The following CD36 variants were observed in gnomAD, a reference collection of about 807,000 sequenced individuals.
The protein encoded by CD36 is platelet glycoprotein 4.
CD36 carries 119 observed loss-of-function variants against 55.2 expected under a neutral mutation model. The observed-to-expected ratio is 2.15, with a 90% CI of 1.86 to 2.51. The LOEUF is 2.51. Ranked by LOEUF, CD36 falls within the 30% of genes most tolerant of loss-of-function variation. The pLI is 0.00. For synonymous variants in CD36, 186 were observed against 193.6 expected, an observed-to-expected ratio of 0.96 and a Z score of 0.33; for missense variants, 819 against 555.5, an observed-to-expected ratio of 1.47 and a Z score of -4.77.
intron 1 of CD36, among the ~76,000 whole-genome samples, chr7:80,608,002 C>T (rs944079166): frequency 9.2e-5 from 14 of 152,098 alleles, no homozygotes; most frequent in Non-Finnish European, 1.2e-4. Context: ...CATCTCCTGA[C>T]CTCGTGATCC....
At position 80,663,069 on chromosome 7, in the gene CD36, T is replaced by G. The variant is rs1796684408; in HGVS notation, c.509T>G (p.Phe170Cys). 5 of 1,613,476 alleles carry G rather than the reference T, an allele frequency of 3.1e-6. No individual in the cohort carries two copies. Among genetic ancestry groups the G allele is most frequent in the Non-Finnish European group, 4.2e-6 (5 of 1,179,546 alleles). The change falls in exon 6 of 15, where the codon TTC (phenylalanine) becomes TGC (cysteine). Residue 170 changes from phenylalanine (F) to cysteine (C), a missense_variant. Physicochemically the swap from Phe to Cys is radical, Grantham distance 205. Transcript: ENST00000447544. Reference sequence around the variant, plus strand: ...ATTAACAAGTCAAAATCTTCTATGTTCCAAGTCAGAACTTTGAGAGAACTG... The same window carrying G: ...ATTAACAAGTCAAAATCTTCTATGTGCCAAGTCAGAACTTTGAGAGAACTG... ...SLINKSKSSMFQVRTLRELLW... is the reference protein window; with the variant it reads ...SLINKSKSSMCQVRTLRELLW...
chr7:80,662,896 GTTTTGTA>G, intron 5 of CD36, 87 bp from the exon 6 acceptor site: 1 of 1,032,204 alleles, frequency 9.7e-7, no homozygotes. Flanking sequence ...GCTTTAAAAA[GTTTTGTA>G]TTAAGCTCAA....
rs760850297 is a variant in CD36, at chr7:80,664,490, G to A, written c.694G>A (p.Gly232Ser). ...SKVAIIDTYK[G>S]KRNLSYWESH... ...AGTTGCCATAATCGACACATATAAAGGTAAAAGGTAAGTATTCTGGTAAAA... is the reference window on the plus strand; with the variant it reads ...AGTTGCCATAATCGACACATATAAAAGTAAAAGGTAAGTATTCTGGTAAAA... The change falls in exon 7 of 15, where the codon GGT becomes AGT. Residue 232 changes from glycine to serine, a missense_variant. Physicochemically the swap from Gly to Ser is moderately conservative, Grantham distance 56. Coordinates refer to ENST00000447544, the MANE Select transcript of CD36 (RefSeq NM_001001548.3). 1 of 1,518,372 alleles carries A rather than the reference G, an allele frequency of 6.6e-7. No homozygotes were observed. Among genetic ancestry groups the A allele is most frequent in the Non-Finnish European group, 9.1e-7 (1 of 1,093,510 alleles). 94.1% of individuals were successfully genotyped at this position (1,518,372 alleles called of 1,614,324 possible).
intron 5 of CD36, among the ~76,000 whole-genome samples, chr7:80,661,921 AG>A (rs1226294304): frequency 3.9e-5 from 6 of 152,176 alleles, no homozygotes; most frequent in African/African-American, 1.4e-4. Flanking sequence ...ATCCGCCAAC[AG>A]GGGGTGCCGT....
chr7:80,673,400 G>A lies in CD36; in HGVS notation c.1245G>A (p.Trp415Ter), dbSNP rs1385635045. ...LKRNYIVPIL[W>*]LNETGTIGDE... ...GGAACTATATTGTGCCTATTCTTTG[G>A]CTTAATGAGGTTTGTATTTGCAGCT... Residue 415 changes from tryptophan to a stop codon, truncating the protein, a stop_gained, in exon 13 of 15, where the codon TGG (tryptophan) becomes TGA (stop). Transcript: ENST00000447544. LOFTEE classifies it high-confidence loss of function. 3 of 1,566,212 alleles carry A rather than the reference G, an allele frequency of 1.9e-6. No individual in the cohort carries two copies. In the South Asian group the frequency reaches 3.3e-5, roughly 17 times the overall value.
upstream of CD36, chr7:80,638,484 C>G (rs570434635): frequency 6.8e-6 from 1 of 148,098 alleles, no homozygotes; most frequent in South Asian, 2.1e-4. Flanking sequence ...TTAGCCATAT[C>G]AGTAATGTGC....
At chr7:80,636,643 TAAAGC>T (rs1348587746), upstream of CD36, among the ~76,000 whole-genome samples, 4 of 152,022 alleles carry the variant, frequency 2.6e-5, no homozygotes, top group Admixed American at 2.6e-4. Flanking sequence ...TGGATTTACA[TAAAGC>T]AAGGTATATG....
intron 1 of CD36, among the ~76,000 whole-genome samples, chr7:80,616,197 C>T (rs1283782831): frequency 2.0e-5 from 3 of 152,088 alleles, no homozygotes; most frequent in Non-Finnish European, 4.4e-5. Flanking sequence ...TACTGGATAT[C>T]ATAGCTCAGC....
At chr7:80,631,343 G>A (rs1407270212) in intron 1 of CD36, among the ~76,000 whole-genome samples, 1 of 152,000 alleles carries the variant, frequency 6.6e-6, no homozygotes, top group Non-Finnish European at 1.5e-5. Flanking sequence ...GAGTTAGAAG[G>A]ATGAAAGATT....
intron 1 of CD36, chr7:80,624,982 T>C (rs2115960236): frequency 6.6e-6 from 1 of 152,074 alleles, no homozygotes; most frequent in South Asian, 2.1e-4. Flanking sequence ...CCTGGCATGG[T>C]CACAGTGACT....
At chr7:80,618,957 A>G (rs1001177936) in intron 1 of CD36, among the ~76,000 whole-genome samples, 1 of 147,040 alleles carries the variant, frequency 6.8e-6, no homozygotes, top group Admixed American at 6.9e-5. Flanking sequence ...AAAAGGTGCC[A>G]TTTAGGACTT....
intron 14 of CD36, 114 bp downstream of exon 14, chr7:80,674,261 G>T: frequency 1.4e-6 from 1 of 717,754 alleles, no homozygotes. Context: ...GACATGTCTA[G>T]CCACTGATCA....
At chr7:80,666,979 A>G (rs976271132) in intron 8 of CD36, among the ~76,000 whole-genome samples, 2 of 152,254 alleles carry the variant, frequency 1.3e-5, no homozygotes, top group Non-Finnish European at 2.9e-5. Flanking sequence ...AGAGAAAACA[A>G]TAACAAAGTC....
At chr7:80,604,863 C>G (rs1363030956) in intron 1 of CD36, among the ~76,000 whole-genome samples, 1 of 151,992 alleles carries the variant, frequency 6.6e-6, no homozygotes. Context: ...ATATATTAGT[C>G]ATGTCATGTT....
chr7:80,670,187 T>A, intron 9 of CD36, 165 bp downstream of exon 9: 2 of 614,206 alleles, frequency 3.3e-6, no homozygotes, highest in Non-Finnish European at 5.7e-6. Context: ...AAATTTTTTT[T>A]TTTTTTGCCA....
rs3211952 is a variant in CD36 at position 80,673,074 on chromosome 7, C to T, written c.1199+231C>T. 0.41 allele frequency: 216,456 copies of T among 524,938 alleles called. 46,157 individuals carry two copies. The highest frequency in any genetic ancestry group is 0.44 in the Non-Finnish European group (132,163 of 297,212). The allele number at this position is 524,938 out of a possible 1,614,324, so 32.5% of individuals were successfully genotyped here. A position where few individuals can be genotyped will look rare whatever the true frequency, so the allele number is the denominator to read the frequency against. ...TAGCATCTCTTATTTTGTTAGCTGCCCAAATATTTCTATGACAATAATTAA... is the reference window on the plus strand; with the variant it reads ...TAGCATCTCTTATTTTGTTAGCTGCTCAAATATTTCTATGACAATAATTAA... On this transcript the variant is annotated intron_variant, in intron 12 of 14. Coordinates refer to ENST00000447544, the MANE Select transcript of CD36 (RefSeq NM_001001548.3).
At chr7:80,660,939 C>T (rs1796465917) in intron 4 of CD36, 124 bp from the exon 5 acceptor site, 3 of 774,634 alleles carry the variant, frequency 3.9e-6, no homozygotes, top group Non-Finnish European at 4.5e-6. Flanking sequence ...AACACCATTG[C>T]TTACATACTA....
upstream of CD36, among the ~76,000 whole-genome samples, chr7:80,637,289 C>T (rs924205277): frequency 6.6e-6 from 1 of 151,640 alleles, no homozygotes; most frequent in Non-Finnish European, 1.5e-5. Context: ...CTTTATACTA[C>T]CATTTTATAT....
chr7:80,671,337 A>G (rs1797659985), intron 10 of CD36, among the ~76,000 whole-genome samples, 173 bp downstream of exon 10: 1 of 152,180 alleles, frequency 6.6e-6, no homozygotes, highest in Non-Finnish European at 1.5e-5. Context: ...TTAAAATTAA[A>G]GTAAGAAAGT....
Sources: allele counts gnomAD v4.1 joint callset (sites outside exome capture counted in the v4.1 genomes callset), GRCh38; gene constraint gnomAD v4.1.1; transcripts MANE v1.5; gene names NCBI Gene and HGNC (gene_info 2026-07-23, HGNC 2026-07-21).